The following PLXDC2 variants were observed in gnomAD, a reference collection of about 807,000 sequenced individuals.
PLXDC2 encodes the protein plexin domain containing 2.
A neutral mutation model predicts 68.9 loss-of-function variants in PLXDC2; 40 were observed. That is an observed-to-expected ratio of 0.58 (90% CI 0.45 to 0.76). PLXDC2 has a LOEUF of 0.76. Ranked by LOEUF, PLXDC2 falls within the 30% of genes least tolerant of loss-of-function variation. PLXDC2 has a pLI of 0.00. For synonymous variants in PLXDC2, 243 were observed against 234.2 expected (o/e 1.04, Z -0.34); for missense variants, 644 against 661.9 (o/e 0.97, Z 0.30).
Position 19,860,708 on chromosome 10 carries a change from A to G in PLXDC2, c.112+43517A>G, listed in dbSNP as rs139231367. 1.5e-4 allele frequency among the ~76,000 whole-genome samples: 23 copies of G among 152,284 alleles called. 1 individual carries two copies. The East Asian group carries it at 4.1e-3, about 27-fold the overall frequency. Reference sequence around the variant, plus strand: ...CCTGAACAGACCAGATCCTCACTAAATATGTGTTGAATGTACTGTTTATGG... The same window carrying G: ...CCTGAACAGACCAGATCCTCACTAAGTATGTGTTGAATGTACTGTTTATGG... On this transcript the variant is annotated intron_variant, in intron 1 of 13. Transcript: ENST00000377252.
intron 1 of PLXDC2, among the ~76,000 whole-genome samples, chr10:19,827,489 G>A (rs905879871): frequency 5.3e-5 from 8 of 151,958 alleles, no homozygotes; most frequent in East Asian, 1.9e-4. Context: ...GGGAGACTAC[G>A]TAATTTCTTT....
chr10:20,080,218 T>G (rs1836526973), intron 4 of PLXDC2, among the ~76,000 whole-genome samples: 1 of 152,194 alleles, frequency 6.6e-6, no homozygotes, highest in Non-Finnish European at 1.5e-5. Context: ...CAACAATTTC[T>G]ATTAGACCCA....
At chr10:20,227,560 C>T (rs913416403) in intron 12 of PLXDC2, among the ~76,000 whole-genome samples, 3 of 152,072 alleles carry the variant, frequency 2.0e-5, no homozygotes, top group African/African-American at 7.2e-5. Context: ...ATACATAGTG[C>T]TTTAAGGCTG....
chr10:20,067,215 T>G (rs1836226084), intron 3 of PLXDC2, among the ~76,000 whole-genome samples: 1 of 152,252 alleles, frequency 6.6e-6, no homozygotes, highest in Non-Finnish European at 1.5e-5. Context: ...TGGCCCCATT[T>G]TAGGAAAACA....
At chr10:19,913,917 C>A (rs1459973454) in intron 1 of PLXDC2, among the ~76,000 whole-genome samples, 1 of 152,006 alleles carries the variant, frequency 6.6e-6, no homozygotes, top group Admixed American at 6.6e-5. Flanking sequence ...GTAGTTAAAA[C>A]ACAGACACAC....
At chr10:19,985,157 C>T (rs1008167813) in intron 1 of PLXDC2, among the ~76,000 whole-genome samples, 2 of 152,198 alleles carry the variant, frequency 1.3e-5, no homozygotes, top group African/African-American at 4.8e-5. Context: ...AACTGAGATG[C>T]TTTGGTCAGA....
chr10:20,143,286 T>C lies in PLXDC2; in HGVS notation c.542-9T>C, dbSNP rs1057400247. Reference sequence around the variant, plus strand: ...TTTCTGAATATGTTTCCTATTTTTCTAATTCTAGGTTTCATATACACTGGA... The same window carrying C: ...TTTCTGAATATGTTTCCTATTTTTCCAATTCTAGGTTTCATATACACTGGA... On this transcript the variant is annotated splice_polypyrimidine_tract_variant and intron_variant, in intron 4 of 13. Coordinates refer to ENST00000377252, the MANE Select transcript of PLXDC2 (RefSeq NM_032812.9). The C allele has an allele frequency of 5.6e-6, 9 of 1,601,624 alleles. No individual in the cohort carries two copies. Among genetic ancestry groups the C allele is most frequent in the Non-Finnish European group, 7.7e-6 (9 of 1,174,996 alleles).
At chr10:20,163,432 C>G (rs1834333067) in intron 6 of PLXDC2, among the ~76,000 whole-genome samples, 1 of 151,878 alleles carries the variant, frequency 6.6e-6, no homozygotes, top group Non-Finnish European at 1.5e-5. Flanking sequence ...TATATATTCT[C>G]TCCCACTTAT....
intron 1 of PLXDC2, among the ~76,000 whole-genome samples, chr10:19,972,717 C>G (rs1378591678): frequency 1.3e-5 from 2 of 152,132 alleles, no homozygotes; most frequent in African/African-American, 4.8e-5. Context: ...GATACAGGGG[C>G]ACAGTTGAGC....
At chr10:19,910,591 C>CTTTTTTTTTTTTT (rs1006322581) in intron 1 of PLXDC2, among the ~76,000 whole-genome samples, 8 of 92,532 alleles carry the variant, frequency 8.6e-5, no homozygotes, top group Non-Finnish European at 1.3e-4. Flanking sequence ...TAAGTGGTTG[C>CTTTTTTTTTTTTT]TTTTTTTTTT....
At chr10:20,128,934 G>A (rs1465612751) in intron 4 of PLXDC2, among the ~76,000 whole-genome samples, 1 of 152,124 alleles carries the variant, frequency 6.6e-6, no homozygotes, top group Admixed American at 6.6e-5. Flanking sequence ...GAACAATGCT[G>A]CAATGAACAT....
chr10:19,974,347 G>A (rs1028578159), intron 1 of PLXDC2, among the ~76,000 whole-genome samples: 2 of 152,238 alleles, frequency 1.3e-5, no homozygotes, highest in African/African-American at 4.8e-5. Context: ...CAACCAGCTG[G>A]TGGTTTCTGT....
At chr10:20,013,176 C>T (rs760530502) in intron 2 of PLXDC2, among the ~76,000 whole-genome samples, 2 of 152,174 alleles carry the variant, frequency 1.3e-5, no homozygotes, top group Non-Finnish European at 2.9e-5. Flanking sequence ...GTTTATCTAT[C>T]TACCTACATA....
intron 1 of PLXDC2, among the ~76,000 whole-genome samples, chr10:19,945,939 C>G (rs1333885739): frequency 1.3e-5 from 2 of 152,190 alleles, no homozygotes; most frequent in Admixed American, 6.5e-5. Flanking sequence ...TTCCAAATCC[C>G]CTGTTATAAT....
chr10:19,817,070 C>G lies in PLXDC2; in HGVS notation c.-10C>G, dbSNP rs112232622. ...ACTGGCGGGTGGGGTAGGGAGGTGG[C>G]GGCGGCGGCATGGCGAGGTTCCCGA... is the stretch of plus-strand genomic sequence containing the variant. On this transcript the variant is annotated 5_prime_UTR_variant, in exon 1 of 14. Transcript: ENST00000377252. 7.3e-5 allele frequency: 39 copies of G among 535,012 alleles called. No homozygotes were observed. In the Middle Eastern group the frequency reaches 6.4e-3, roughly 88 times the overall value. 33.1% of individuals were successfully genotyped at this position (535,012 alleles called of 1,614,324 possible). A position where few individuals can be genotyped will look rare whatever the true frequency, so the allele number is the denominator to read the frequency against.
chr10:19,960,401 A>G (rs1375367557), intron 1 of PLXDC2, among the ~76,000 whole-genome samples: 4 of 152,012 alleles, frequency 2.6e-5, no homozygotes, highest in African/African-American at 9.7e-5. Context: ...AAAATAAAAT[A>G]AAATAAATGA....
chr10:19,917,688 C>T (rs1019834371), intron 1 of PLXDC2, among the ~76,000 whole-genome samples: 6 of 152,132 alleles, frequency 3.9e-5, no homozygotes, highest in African/African-American at 1.2e-4. Context: ...ATATGGGTCT[C>T]TTAGAGACCT....
chr10:19,884,537 T>G (rs182165458), intron 1 of PLXDC2, among the ~76,000 whole-genome samples: 146 of 135,876 alleles, frequency 1.1e-3, no homozygotes, highest in African/African-American at 3.9e-3. Flanking sequence ...CAGAGTGTGA[T>G]GTTCCCCTTC....
chr10:20,208,933 A>G (rs544459324), intron 9 of PLXDC2, among the ~76,000 whole-genome samples: 77 of 152,180 alleles, frequency 5.1e-4, no homozygotes, highest in African/African-American at 1.8e-3. Context: ...AGTGATTTTC[A>G]AAAGGGGAGG....
Sources: allele counts gnomAD v4.1 joint callset (sites outside exome capture counted in the v4.1 genomes callset), GRCh38; gene constraint gnomAD v4.1.1; transcripts MANE v1.5; gene names NCBI Gene and HGNC (gene_info 2026-07-23, HGNC 2026-07-21).